The following DLC1 variants were observed in gnomAD, a reference collection of about 807,000 sequenced individuals.
DLC1 encodes the protein rho GTPase-activating protein 7.
Under a neutral mutation model 140.3 loss-of-function variants are expected in DLC1, and 54 were observed. The ratio of observed to expected loss-of-function variants is 0.38; its 90% CI spans 0.31 to 0.48. The LOEUF (loss-of-function observed/expected upper bound fraction) is 0.48, where lower values mean the gene tolerates loss of function less well. DLC1 is among the 20% of genes least tolerant of loss of function. The pLI is 0.96. For missense variants in DLC1, 2,536 were observed against 1,907.0 expected (o/e 1.33, Z -6.14); for synonymous variants, 986 against 728.1 (o/e 1.35, Z -5.70).
chr8:13,400,600 C>G (rs1180183468), intron 3 of DLC1, among the ~76,000 whole-genome samples: 1 of 152,044 alleles, frequency 6.6e-6, no homozygotes, highest in Non-Finnish European at 1.5e-5. Flanking sequence ...GAATTTGTAT[C>G]AAATAATTTG....
At chr8:13,167,401 T>C (rs149641741) in intron 5 of DLC1, among the ~76,000 whole-genome samples, 1 of 152,308 alleles carries the variant, frequency 6.6e-6, no homozygotes, top group African/African-American at 2.4e-5. Context: ...ATTATGTGTG[T>C]GATCTGGACC....
At position 13,477,993 on chromosome 8, in the gene DLC1, T is replaced by C. The variant is rs142259099; in HGVS notation, c.1023+21056A>G. Reference sequence around the variant, plus strand: ...AGAGAGATTTGAGAAAATATTACATTTGTAAAACATGAACATGGTACTAGG... The same window carrying C: ...AGAGAGATTTGAGAAAATATTACATCTGTAAAACATGAACATGGTACTAGG... On this transcript the variant is annotated intron_variant, in intron 2 of 17. Coordinates refer to ENST00000276297, the MANE Select transcript of DLC1 (RefSeq NM_182643.3). Among the ~76,000 whole-genome samples the C allele has an allele frequency of 2.3e-3, 347 of 152,326 alleles. 5 individuals are homozygous for C. The highest frequency in any genetic ancestry group is 8.2e-3 in the African/African-American group (339 of 41,578).
rs1818957145 is a variant in DLC1 at position 13,100,436 on chromosome 8, T to A, written c.1901A>T (p.Asp634Val). ...AGAGGGCAGGCTGCCGAAAGAGTCG[T>A]CATTGCCTGCCAAGTTGCTGGAGGA... ...VCSSSNLAGN[D>V]DSFGSLPSPK... The change falls in exon 9 of 18, where the codon GAC (aspartate) becomes GTC (valine). Residue 634 changes from aspartate to valine, a missense_variant. Asp to Val is a radical substitution (Grantham distance 152). Coordinates refer to ENST00000276297, the MANE Select transcript of DLC1 (RefSeq NM_182643.3). 1 of 1,613,870 alleles carries A rather than the reference T, an allele frequency of 6.2e-7. No individual in the cohort carries two copies.
intron 4 of DLC1, among the ~76,000 whole-genome samples, chr8:13,373,812 TA>T (rs1291476692): frequency 6.6e-6 from 1 of 152,176 alleles, no homozygotes; most frequent in Non-Finnish European, 1.5e-5. Context: ...AATTAAAATG[TA>T]AATATTTTAA....
At chr8:13,108,586 C>A (rs553183660) in intron 7 of DLC1, among the ~76,000 whole-genome samples, 30 of 152,330 alleles carry the variant, frequency 2.0e-4, no homozygotes, top group African/African-American at 6.7e-4. Context: ...TCTGAAAAAG[C>A]ATTCAAGAAT....
chr8:13,122,564 T>C (rs1821184408), intron 5 of DLC1, among the ~76,000 whole-genome samples: 1 of 152,162 alleles, frequency 6.6e-6, no homozygotes, highest in Admixed American at 6.5e-5. Context: ...AATCTCTTAC[T>C]CTTTGCAATT....
intron 2 of DLC1, among the ~76,000 whole-genome samples, chr8:13,429,596 A>C (rs1174899707): frequency 6.6e-6 from 1 of 152,210 alleles, no homozygotes; most frequent in Non-Finnish European, 1.5e-5. Context: ...GAAAGCAAAA[A>C]AGGGAAAGTT....
At chr8:13,488,025 G>C (rs1324066889) in intron 2 of DLC1, among the ~76,000 whole-genome samples, 1 of 152,148 alleles carries the variant, frequency 6.6e-6, no homozygotes, top group Non-Finnish European at 1.5e-5. Flanking sequence ...TTCTAATTAT[G>C]CCTAAGGCCA....
chr8:13,546,271 A>G (rs1033971739), intron 1 of DLC1, among the ~76,000 whole-genome samples: 2 of 152,110 alleles, frequency 1.3e-5, no homozygotes, highest in African/African-American at 2.4e-5. Context: ...CTTCAATTTA[A>G]TGTCCAAGCA....
chr8:13,419,097 G>C (rs1838197879), intron 2 of DLC1, among the ~76,000 whole-genome samples: 1 of 152,086 alleles, frequency 6.6e-6, no homozygotes, highest in Admixed American at 6.5e-5. Context: ...TTGCTTATCA[G>C]CTTAAGGAGA....
chr8:13,347,213 A>G (rs1834382157), intron 4 of DLC1, among the ~76,000 whole-genome samples: 1 of 152,194 alleles, frequency 6.6e-6, no homozygotes, highest in African/African-American at 2.4e-5. Context: ...TTTTCTAATC[A>G]TTTTGGAAAA....
At chr8:13,144,556 G>A (rs1020868263) in intron 5 of DLC1, among the ~76,000 whole-genome samples, 1 of 152,132 alleles carries the variant, frequency 6.6e-6, no homozygotes, top group East Asian at 1.9e-4. Flanking sequence ...ACGAGATCAG[G>A]AGATCGAGAA....
intron 2 of DLC1, among the ~76,000 whole-genome samples, chr8:13,477,722 G>A (rs1800500437): frequency 6.6e-6 from 1 of 152,050 alleles, no homozygotes; most frequent in Admixed American, 6.6e-5. Flanking sequence ...GATTTGGATG[G>A]GATGGAGACG....
intron 5 of DLC1, 131 bp downstream of exon 5, chr8:13,305,138 G>T: frequency 1.5e-6 from 2 of 1,360,988 alleles, no homozygotes; most frequent in Admixed American, 3.0e-5. Flanking sequence ...TTCTTTTACA[G>T]AATTTAAACA....
chr8:13,456,695 A>G (rs146296014), intron 2 of DLC1, among the ~76,000 whole-genome samples: 158 of 152,202 alleles, frequency 1.0e-3, no homozygotes, highest in African/African-American at 3.7e-3. Flanking sequence ...CTGACTTCAA[A>G]TGATCCACCT....
At chr8:13,299,145 GAA>G (rs535848788) in intron 5 of DLC1, among the ~76,000 whole-genome samples, 4 of 144,540 alleles carry the variant, frequency 2.8e-5, no homozygotes, top group African/African-American at 1.0e-4. Context: ...CATTTACTTT[GAA>G]AAAAAAAAAA....
intron 4 of DLC1, among the ~76,000 whole-genome samples, chr8:13,348,931 C>T (rs567388814): frequency 5.3e-5 from 8 of 152,198 alleles, no homozygotes; most frequent in African/African-American, 1.4e-4. Flanking sequence ...AGCTGGAAAA[C>T]GGAAAGTGCT....
At chr8:13,232,095 T>A (rs1438418498) in intron 5 of DLC1, among the ~76,000 whole-genome samples, 1 of 152,144 alleles carries the variant, frequency 6.6e-6, no homozygotes, top group Non-Finnish European at 1.5e-5. Flanking sequence ...GGAGGTGGCT[T>A]CATTTCACTT....
At chr8:13,324,552 A>C (rs1316426408) in intron 4 of DLC1, among the ~76,000 whole-genome samples, 6 of 145,382 alleles carry the variant, frequency 4.1e-5, no homozygotes, top group African/African-American at 1.6e-4. Context: ...CAGCCTGGGC[A>C]AAAGAGCTAG....
Sources: allele counts gnomAD v4.1 joint callset (sites outside exome capture counted in the v4.1 genomes callset), GRCh38; gene constraint gnomAD v4.1.1; transcripts MANE v1.5; gene names NCBI Gene and HGNC (gene_info 2026-07-23, HGNC 2026-07-21).